RARB: variants seen among roughly 807,000 people sequenced by gnomAD.
The protein encoded by RARB is HBV-activated protein.
RARB carries 17 observed loss-of-function variants against 51.9 expected under a neutral mutation model. The ratio of observed to expected loss-of-function variants is 0.33; its 90% CI spans 0.22 to 0.49. The LOEUF (loss-of-function observed/expected upper bound fraction) is 0.49, where lower values mean the gene tolerates loss of function less well. RARB is among the 20% of genes least tolerant of loss of function. The pLI is 0.99. For missense variants in RARB, 369 were observed against 550.8 expected, an observed-to-expected ratio of 0.67 and a Z score of 3.30; for synonymous variants, 215 against 195.4, an observed-to-expected ratio of 1.10 and a Z score of -0.84.
chr3:25,455,612 C>G (rs946723695), intron 1 of RARB, among the ~76,000 whole-genome samples: 1 of 152,204 alleles, frequency 6.6e-6, no homozygotes, highest in Non-Finnish European at 1.5e-5. Flanking sequence ...TTCTCATCTT[C>G]CCTGAGGCTC....
intron 5 of RARB, among the ~76,000 whole-genome samples, chr3:25,264,570 T>C (rs968514081): frequency 6.6e-6 from 1 of 152,200 alleles, no homozygotes; most frequent in African/African-American, 2.4e-5. Context: ...TTATTTTCAG[T>C]ACAATTTTAT....
chr3:25,107,335 C>G (rs1699526463), intron 3 of RARB, among the ~76,000 whole-genome samples: 1 of 152,194 alleles, frequency 6.6e-6, no homozygotes, highest in Non-Finnish European at 1.5e-5. Context: ...CATCTAGACT[C>G]ATTTGTGCCT....
intron 3 of RARB, among the ~76,000 whole-genome samples, chr3:25,544,821 TCAGTTTTTCAAG>T (rs1191119680): frequency 6.6e-6 from 1 of 151,572 alleles, no homozygotes; most frequent in African/African-American, 2.4e-5. Flanking sequence ...TAAACTGAAG[TCAGTTTTTCAAG>T]CAGTTGCTAT....
At chr3:25,266,036 C>G (rs566656531) in intron 5 of RARB, among the ~76,000 whole-genome samples, 2 of 152,288 alleles carry the variant, frequency 1.3e-5, no homozygotes, top group South Asian at 2.1e-4. Context: ...CCTCTTCCAG[C>G]TTTAAGGACT....
At chr3:25,282,808 A>C in intron 5 of RARB, among the ~76,000 whole-genome samples, 1 of 152,076 alleles carries the variant, frequency 6.6e-6, no homozygotes, top group East Asian at 1.9e-4. Flanking sequence ...ACCACCACCC[A>C]CATCTTTGGA....
chr3:25,369,914 T>C (rs1468638799), intron 5 of RARB, among the ~76,000 whole-genome samples: 1 of 150,850 alleles, frequency 6.6e-6, no homozygotes, highest in African/African-American at 2.4e-5. Flanking sequence ...AGTGAAACTG[T>C]CTCAGAAAAA....
chr3:25,306,716 A>T (rs1704160732), intron 5 of RARB, among the ~76,000 whole-genome samples: 1 of 152,310 alleles, frequency 6.6e-6, no homozygotes, highest in East Asian at 1.9e-4. Context: ...GGGGGAAAAA[A>T]AGCTGAATCT....
chr3:25,529,701 G>A (rs1033566470), intron 3 of RARB, among the ~76,000 whole-genome samples: 3 of 152,116 alleles, frequency 2.0e-5, no homozygotes, highest in Admixed American at 1.3e-4. Context: ...GTTTTCCCAT[G>A]ACTGTATACA....
chr3:24,976,809 T>G (rs967314335), intron 2 of RARB, among the ~76,000 whole-genome samples: 4 of 152,108 alleles, frequency 2.6e-5, no homozygotes, highest in Non-Finnish European at 1.5e-5. Context: ...CATTGCTTTT[T>G]GTGTTTTAGA....
At chr3:25,232,802 G>A (rs1575239853) in intron 5 of RARB, among the ~76,000 whole-genome samples, 1 of 151,788 alleles carries the variant, frequency 6.6e-6, no homozygotes, top group South Asian at 2.1e-4. Context: ...TTTCAGTATG[G>A]TATTCAATAA....
At chr3:24,836,742 T>C (rs1247025185) in intron 1 of RARB, among the ~76,000 whole-genome samples, 3 of 152,186 alleles carry the variant, frequency 2.0e-5, no homozygotes, top group Non-Finnish European at 2.9e-5. Flanking sequence ...ATAGTGTTTG[T>C]TGAATAAATG....
chr3:25,197,840 T>TA (rs1701283431), intron 5 of RARB, among the ~76,000 whole-genome samples: 1 of 152,012 alleles, frequency 6.6e-6, no homozygotes, highest in Non-Finnish European at 1.5e-5. Context: ...TCAATACTGT[T>TA]AAAATCTTCA....
chr3:24,949,605 A>G (rs1333097798), intron 2 of RARB, among the ~76,000 whole-genome samples: 1 of 152,238 alleles, frequency 6.6e-6, no homozygotes, highest in Non-Finnish European at 1.5e-5. Flanking sequence ...TATTTCTTGA[A>G]TCCTTTGATT....
rs970812866 is a variant in RARB, at chr3:25,482,602, T to C, written c.307-18580T>C. On this transcript the variant is annotated intron_variant, in intron 2 of 7. Coordinates refer to ENST00000330688, the MANE Select transcript of RARB (RefSeq NM_000965.5). ...TCTCCCAGGCCGGAGTGCAGTGGCGTGATCTCGGCTCACTGCAACCTCTGC... is the reference window on the plus strand; with the variant it reads ...TCTCCCAGGCCGGAGTGCAGTGGCGCGATCTCGGCTCACTGCAACCTCTGC... Among the ~76,000 whole-genome samples the C allele has an allele frequency of 6.9e-5, 9 of 131,104 alleles. No individual in the cohort carries two copies. In the East Asian group the frequency reaches 2.1e-3, roughly 31 times the overall value. The allele number at this position is 131,104 out of a possible 152,430, so 86.0% of individuals were successfully genotyped here.
intron 4 of RARB, among the ~76,000 whole-genome samples, chr3:25,164,959 G>A (rs934974125): frequency 7.9e-5 from 12 of 152,094 alleles, no homozygotes; most frequent in African/African-American, 2.4e-4. Context: ...CGTGCAGGTC[G>A]ACCTTCAGCC....
chr3:25,401,296 C>A (rs1707256539), intron 5 of RARB, among the ~76,000 whole-genome samples: 1 of 152,158 alleles, frequency 6.6e-6, no homozygotes, highest in Non-Finnish European at 1.5e-5. Flanking sequence ...GCACTCCCTA[C>A]TCTAGATACC....
At chr3:25,531,396 A>ATAGATAGG (rs1698907083) in intron 3 of RARB, among the ~76,000 whole-genome samples, 3 of 43,710 alleles carry the variant, frequency 6.9e-5, no homozygotes, top group African/African-American at 7.1e-4. Flanking sequence ...AGGTAGATAG[A>ATAGATAGG]TAGATAGATA....
At chr3:25,417,030 CAG>C (rs767728389) in intron 5 of RARB, among the ~76,000 whole-genome samples, 1 of 152,088 alleles carries the variant, frequency 6.6e-6, no homozygotes, top group Non-Finnish European at 1.5e-5. Context: ...TATTTGAAGA[CAG>C]AGCTTTGGAG....
chr3:25,222,579 G>T (rs1250485191), intron 5 of RARB, among the ~76,000 whole-genome samples: 3 of 152,016 alleles, frequency 2.0e-5, no homozygotes, highest in Non-Finnish European at 4.4e-5. Context: ...TAAAAACAAG[G>T]CTAATAGAGT....
Sources: allele counts gnomAD v4.1 joint callset (sites outside exome capture counted in the v4.1 genomes callset), GRCh38; gene constraint gnomAD v4.1.1; transcripts MANE v1.5; gene names NCBI Gene and HGNC (gene_info 2026-07-23, HGNC 2026-07-21).